Variants in GNB1L observed in about 807,000 individuals in gnomAD.
GNB1L encodes the protein guanine nucleotide-binding protein subunit beta-like protein 1.
Under a neutral mutation model 29.1 loss-of-function variants are expected in GNB1L, and 20 were observed. The observed-to-expected ratio is 0.69, with a 90% CI of 0.48 to 1.00. GNB1L has a LOEUF of 1.00. Ranked by LOEUF, GNB1L falls within the 50% of genes least tolerant of loss-of-function variation. The probability of loss-of-function intolerance (pLI) is 0.00; values close to 1 mark genes in which losing one functional copy is unlikely to be tolerated. For missense variants in GNB1L, 421 were observed against 464.9 expected, an observed-to-expected ratio of 0.91 and a Z score of 0.87; for synonymous variants, 193 against 206.5, an observed-to-expected ratio of 0.93 and a Z score of 0.56.
intron 2 of GNB1L, among the ~76,000 whole-genome samples, chr22:19,843,419 G>A (rs981766129): frequency 1.1e-4 from 17 of 152,286 alleles, no homozygotes; most frequent in South Asian, 1.0e-3. Flanking sequence ...AGGGAGGGCC[G>A]GTGCCCAGCA....
chr22:19,847,096 A>G (rs1937979014), intron 2 of GNB1L: 10 of 985,308 alleles, frequency 1.0e-5, no homozygotes, highest in Non-Finnish European at 1.1e-5. Context: ...TCCTTTGGCC[A>G]CAGAAATGGA....
chr22:19,818,623 C>A (rs1471938757), intron 4 of GNB1L, among the ~76,000 whole-genome samples: 1 of 152,242 alleles, frequency 6.6e-6, no homozygotes, highest in East Asian at 1.9e-4. Context: ...GGGGGCCAGA[C>A]AGGCCTCATT....
At chr22:19,808,961 G>A (rs1937467239) in intron 5 of GNB1L, among the ~76,000 whole-genome samples, 2 of 152,064 alleles carry the variant, frequency 1.3e-5, no homozygotes, top group South Asian at 4.1e-4. Flanking sequence ...CACACTGCCT[G>A]GCTCACTCCC....
intron 7 of GNB1L, among the ~76,000 whole-genome samples, chr22:19,789,234 G>GAATAGGATTCTATCTTA (rs1937224919): frequency 6.6e-6 from 1 of 152,186 alleles, no homozygotes; most frequent in South Asian, 2.1e-4. Context: ...GCAGAGACAG[G>GAATAGGATTCTATCTTA]GAGGTCCCAG....
intron 5 of GNB1L, 149 bp downstream of exon 5, chr22:19,812,135 CG>C (rs1160074978): frequency 2.6e-6 from 2 of 765,892 alleles, no homozygotes; most frequent in Non-Finnish European, 4.1e-6. Flanking sequence ...CAGGCCTAGC[CG>C]GCTGTGCATC....
chr22:19,851,628 C>G, intron 2 of GNB1L: 1 of 1,594,328 alleles, frequency 6.3e-7, no homozygotes, highest in Non-Finnish European at 8.6e-7. Flanking sequence ...TATTGCCTCA[C>G]CACAGGCAGC....
chr22:19,823,875 T>G (rs1311338036), intron 2 of GNB1L, among the ~76,000 whole-genome samples: 1 of 151,590 alleles, frequency 6.6e-6, no homozygotes, highest in Non-Finnish European at 1.5e-5. Flanking sequence ...ACTCAGACAC[T>G]CAGGCACAGG....
At chr22:19,826,700 A>G (rs1164743060) in intron 2 of GNB1L, among the ~76,000 whole-genome samples, 1 of 152,232 alleles carries the variant, frequency 6.6e-6, no homozygotes, top group African/African-American at 2.4e-5. Context: ...GAAAATGTGT[A>G]TCTTCAATGG....
intron 2 of GNB1L, among the ~76,000 whole-genome samples, chr22:19,824,783 A>G (rs1937606494): frequency 6.6e-6 from 1 of 152,208 alleles, no homozygotes; most frequent in Admixed American, 6.5e-5. Context: ...CTGCTGGCGC[A>G]AACCCACCCA....
chr22:19,805,062 G>T (rs1569041646), intron 6 of GNB1L, among the ~76,000 whole-genome samples: 1 of 152,324 alleles, frequency 6.6e-6, no homozygotes, highest in East Asian at 1.9e-4. Flanking sequence ...AGGCTCTGCT[G>T]CAGTCCCTGT....
At chr22:19,850,396 C>A (rs561868253) in intron 2 of GNB1L, 2 of 989,388 alleles carry the variant, frequency 2.0e-6, no homozygotes, top group African/African-American at 1.7e-5. Context: ...CATGCGAGTG[C>A]GGAGTGAGCA....
chr22:19,852,315 T>C, intron 2 of GNB1L: 10 of 1,540,328 alleles, frequency 6.5e-6, no homozygotes, highest in Non-Finnish European at 8.8e-6. Flanking sequence ...GTGGTGGGGG[T>C]GTGGACAGAT....
rs974444176 is a variant in GNB1L at position 19,821,348 on chromosome 22, G to A, written c.8C>T (p.Ala3Val). The stretch of plus-strand genomic sequence containing the variant: ...GTCTGGAGGTGGCGGCGGGCAGGGG[G>A]CCGTCATGCTGGGCAGGATGCAGTT... MT[A>V]PCPPPPPDPQ... The change falls in exon 3 of 8, where the codon GCC (alanine) becomes GTC (valine). Residue 3 changes from alanine (A) to valine (V), a missense_variant. By Grantham distance (64) the Ala-to-Val change is moderately conservative (BLOSUM62 0). Transcript: ENST00000329517. 3.1e-6 allele frequency: 5 copies of A among 1,612,262 alleles called. No homozygotes were observed. Among genetic ancestry groups the A allele is most frequent in the South Asian group, 2.2e-5 (2 of 91,064 alleles).
intron 7 of GNB1L, chr22:19,793,037 T>C: frequency 6.3e-7 from 1 of 1,595,494 alleles, no homozygotes; most frequent in Non-Finnish European, 8.5e-7. Context: ...AGTCTGTGGC[T>C]CGTATCGCCA....
rs1937271043 is a variant in GNB1L, at chr22:19,793,194, A to C, written c.733-4234T>G. On this transcript the variant is annotated intron_variant, in intron 7 of 7. Transcript: ENST00000329517. ...GGAAAGTGTATTCAAATAATTACCC[A>C]AAAAATTGTCTTGAGTGAGCAAATA... 4 of 737,410 alleles carry C rather than the reference A, an allele frequency of 5.4e-6. No individual in the cohort carries two copies. The South Asian group carries it at 7.2e-5, about 13-fold the overall frequency. The allele number at this position is 737,410 out of a possible 1,614,324, so 45.7% of individuals were successfully genotyped here.
At chr22:19,817,349 C>T (rs116376544) in intron 4 of GNB1L, among the ~76,000 whole-genome samples, 260 of 152,272 alleles carry the variant, frequency 1.7e-3, no homozygotes, top group African/African-American at 6.0e-3. Flanking sequence ...GACGTAACGG[C>T]ACATGCCTCT....
chr22:19,845,258 C>T (rs1159926094), intron 2 of GNB1L, among the ~76,000 whole-genome samples: 1 of 152,260 alleles, frequency 6.6e-6, no homozygotes, highest in African/African-American at 2.4e-5. Flanking sequence ...TGCTTGCCCA[C>T]ATCCACAGAC....
chr22:19,852,491 C>T (rs1938132211), intron 2 of GNB1L: 2 of 559,694 alleles, frequency 3.6e-6, no homozygotes, highest in Non-Finnish European at 6.4e-6. Flanking sequence ...GGCAATCTGT[C>T]CAAAGACAAG....
Position 19,787,199 on chromosome 22 carries a change from C to T in GNB1L, c.*1510G>A, listed in dbSNP as rs1937199055. 6.6e-6 allele frequency: 1 copy of T among 152,598 alleles called. No individual in the cohort carries two copies. Among genetic ancestry groups the T allele is most frequent in the Non-Finnish European group, 1.5e-5 (1 of 68,354 alleles). The allele number at this position is 152,598 out of a possible 1,614,324, so 9.5% of individuals were successfully genotyped here. A position where few individuals can be genotyped will look rare whatever the true frequency, so the allele number is the denominator to read the frequency against. On this transcript the variant is annotated 3_prime_UTR_variant, in exon 8 of 8. Coordinates refer to ENST00000329517, the MANE Select transcript of GNB1L (RefSeq NM_053004.3). The stretch of plus-strand genomic sequence containing the variant: ...CCCTGCAGTGGGTGCACAGGTCTCA[C>T]TGACAAATCCAACACCCCCATCCCC...
Sources: allele counts gnomAD v4.1 joint callset (sites outside exome capture counted in the v4.1 genomes callset), GRCh38; gene constraint gnomAD v4.1.1; transcripts MANE v1.5; gene names NCBI Gene and HGNC (gene_info 2026-07-23, HGNC 2026-07-21).